Variants in JMJD1C observed in about 807,000 individuals in gnomAD.
JMJD1C encodes the protein jumonji domain-containing protein 1C.
A neutral mutation model predicts 245.3 loss-of-function variants in JMJD1C; 31 were observed. That is an observed-to-expected ratio of 0.13 (90% CI 0.09 to 0.17). The LOEUF (loss-of-function observed/expected upper bound fraction) is 0.17. Among genes scored for constraint, JMJD1C ranks in the 10% least tolerant of loss-of-function variants. The pLI is 1.00. For missense variants in JMJD1C, 2,691 were observed against 3,000.2 expected (o/e 0.90, Z 2.41); for synonymous variants, 1,057 against 1,017.4 (o/e 1.04, Z -0.74).
At chr10:63,345,811 C>T (rs1453087746) in intron 2 of JMJD1C, among the ~76,000 whole-genome samples, 1 of 152,042 alleles carries the variant, frequency 6.6e-6, no homozygotes, top group African/African-American at 2.4e-5. Context: ...TTTTAGTGTA[C>T]ACACATTTTT....
intron 11 of JMJD1C, among the ~76,000 whole-genome samples, chr10:63,199,270 T>C (rs989759118): frequency 6.6e-6 from 1 of 152,182 alleles, no homozygotes; most frequent in East Asian, 1.9e-4. Context: ...TAGCTTCTGA[T>C]ATCCAAATAA....
At chr10:63,421,025 T>C (rs915899465) in intron 1 of JMJD1C, among the ~76,000 whole-genome samples, 3 of 152,112 alleles carry the variant, frequency 2.0e-5, no homozygotes, top group African/African-American at 7.2e-5. Context: ...CCGCAGATCT[T>C]AGACATTGCT....
At chr10:63,226,652 C>G (rs1158420720) in intron 3 of JMJD1C, among the ~76,000 whole-genome samples, 1 of 139,240 alleles carries the variant, frequency 7.2e-6, no homozygotes, top group African/African-American at 2.7e-5. Flanking sequence ...GAATTCAAGG[C>G]AGCAATAAGC....
At chr10:63,448,408 CG>C (rs1951835968) in intron 1 of JMJD1C, among the ~76,000 whole-genome samples, 1 of 152,140 alleles carries the variant, frequency 6.6e-6, no homozygotes, top group South Asian at 2.1e-4. Context: ...CCACCTGCCT[CG>C]GCCTCCCAAA....
In JMJD1C at chr10:63,208,024, G is replaced by A. The variant is rs1846860660; in HGVS notation, c.3645C>T (p.His1215=). The change falls in exon 10 of 26, where the codon CAC becomes CAT. Residue 1215 remains histidine, a synonymous_variant. Coordinates refer to ENST00000399262, the MANE Select transcript of JMJD1C (RefSeq NM_032776.3). ...AGCTGCCTTCCTTTCTTTCCAGGCT[G>A]TGATGGATTGGTGGGTGAAATACTG... ...RAPVFHPPIH[H]SLERKEGSYS... 3 of 1,614,202 alleles carry A rather than the reference G, an allele frequency of 1.9e-6. No homozygotes were observed. The highest frequency in any genetic ancestry group is 2.5e-6 in the Non-Finnish European group (3 of 1,180,016).
intron 1 of JMJD1C, among the ~76,000 whole-genome samples, chr10:63,437,038 G>C (rs1388679091): frequency 2.6e-5 from 4 of 152,052 alleles, no homozygotes; most frequent in African/African-American, 9.7e-5. Context: ...TCTATCATTA[G>C]AGTAATTCAT....
chr10:63,208,973 A>T, intron 9 of JMJD1C, 90 bp downstream of exon 9: 1 of 1,180,280 alleles, frequency 8.5e-7, no homozygotes, highest in Non-Finnish European at 1.2e-6. Flanking sequence ...ATCTTAAGAT[A>T]TGTGTTAACT....
rs67008681 is a variant in JMJD1C, at chr10:63,375,183, C to CTTTTTTT, written c.333+5128_333+5134dup. Among the ~76,000 whole-genome samples the CTTTTTTT allele has an allele frequency of 3.8e-3, 357 of 92,936 alleles. 15 individuals are homozygous for CTTTTTTT. The highest frequency in any genetic ancestry group is 5.6e-3 in the Non-Finnish European group (273 of 49,092). 61.0% of individuals were successfully genotyped at this position (92,936 alleles called of 152,430 possible). On this transcript the variant is annotated intron_variant, in intron 2 of 25. Transcript: ENST00000399262. ...TATGAAATCAACACATAAAAATTGG[C>CTTTTTTT]TTTTTTTTTTTTTTTTTTTTTGAGG... is the stretch of plus-strand genomic sequence containing the variant.
chr10:63,440,191 T>C (rs1951288171), intron 1 of JMJD1C, among the ~76,000 whole-genome samples: 1 of 151,866 alleles, frequency 6.6e-6, no homozygotes, highest in Non-Finnish European at 1.5e-5. Flanking sequence ...AAAAATTAGC[T>C]AAGCATGGTG....
intron 2 of JMJD1C, among the ~76,000 whole-genome samples, chr10:63,283,950 G>A (rs2133901283): frequency 6.6e-6 from 1 of 152,072 alleles, no homozygotes; most frequent in East Asian, 1.9e-4. Flanking sequence ...AACTAGGTTT[G>A]TCAAGAGTCA....
rs1436632489 is a variant in JMJD1C at position 63,168,145 on chromosome 10, TG to T, written c.7534-12del. 6.5e-7 allele frequency: 1 copy of T among 1,545,742 alleles called. No individual in the cohort carries two copies. The highest frequency in any genetic ancestry group is 1.4e-5 in the African/African-American group (1 of 73,618). ...CAAAATATTTTTAACCTGAAAGAGA[TG>T]TTGATATTTCTAATCACTTCAGTTC... On this transcript the variant is annotated splice_polypyrimidine_tract_variant and intron_variant, in intron 25 of 25. Coordinates refer to ENST00000399262, the MANE Select transcript of JMJD1C (RefSeq NM_032776.3).
intron 21 of JMJD1C, among the ~76,000 whole-genome samples, chr10:63,184,264 G>A (rs1334080887): frequency 2.8e-4 from 40 of 141,066 alleles, no homozygotes; most frequent in African/African-American, 8.3e-4. Flanking sequence ...TTTTTGAGAC[G>A]GAGTCTTGCT....
chr10:63,480,924 G>A (rs1031067584), intron 1 of JMJD1C, among the ~76,000 whole-genome samples: 16 of 152,178 alleles, frequency 1.1e-4, no homozygotes, highest in Admixed American at 4.6e-4. Context: ...CATTTTCATC[G>A]CCTACCATAT....
At chr10:63,482,172 T>G (rs1284199396) in intron 1 of JMJD1C, among the ~76,000 whole-genome samples, 1 of 152,136 alleles carries the variant, frequency 6.6e-6, no homozygotes, top group Non-Finnish European at 1.5e-5. Context: ...AAAAAAAAAT[T>G]GGTTTCATTA....
At chr10:63,288,180 C>T (rs1858203925) in intron 2 of JMJD1C, among the ~76,000 whole-genome samples, 1 of 152,164 alleles carries the variant, frequency 6.6e-6, no homozygotes, top group Non-Finnish European at 1.5e-5. Flanking sequence ...AAAAAAATCC[C>T]TGTATAAGTA....
intron 3 of JMJD1C, among the ~76,000 whole-genome samples, chr10:63,244,843 A>T (rs910567482): frequency 1.3e-5 from 2 of 151,564 alleles, no homozygotes; most frequent in African/African-American, 4.8e-5. Context: ...GAGAACAATT[A>T]AAAGAAATTA....
At chr10:63,333,497 C>T (rs1317502765) in intron 2 of JMJD1C, among the ~76,000 whole-genome samples, 1 of 152,012 alleles carries the variant, frequency 6.6e-6, no homozygotes, top group East Asian at 1.9e-4. Context: ...GCAACGACTG[C>T]ACTCCAGCCT....
intron 2 of JMJD1C, among the ~76,000 whole-genome samples, chr10:63,344,716 T>C (rs1194839973): frequency 6.6e-6 from 1 of 151,610 alleles, no homozygotes; most frequent in East Asian, 2.0e-4. Context: ...CAAAAAATGA[T>C]TTAAACAAGC....
rs914378157 is a variant in JMJD1C, at chr10:63,385,806, G to A, written c.169-5324C>T. Among the ~76,000 whole-genome samples, 8 of 151,684 alleles carry A rather than the reference G, an allele frequency of 5.3e-5. No individual in the cohort carries two copies. In the South Asian group the frequency reaches 6.2e-4, roughly 12 times the overall value. On this transcript the variant is annotated intron_variant, in intron 1 of 25. Coordinates refer to ENST00000399262, the MANE Select transcript of JMJD1C (RefSeq NM_032776.3). ...TGCTAAGTGCAATAAAGCAAACTAC[G>A]ATAAAAAATGTATATTTACTTATAT...
Sources: allele counts gnomAD v4.1 joint callset (sites outside exome capture counted in the v4.1 genomes callset), GRCh38; gene constraint gnomAD v4.1.1; transcripts MANE v1.5; gene names NCBI Gene and HGNC (gene_info 2026-07-23, HGNC 2026-07-21).